The following ACACB variants were observed in gnomAD, a reference collection of about 807,000 sequenced individuals.
The protein encoded by ACACB is acetyl-CoA carboxylase beta, also known as acetyl-CoA carboxylase 2.
Under a neutral mutation model 278.8 loss-of-function variants are expected in ACACB, and 209 were observed. The observed-to-expected ratio is 0.75, with a 90% CI of 0.67 to 0.84. ACACB has a LOEUF of 0.84. Ranked by LOEUF, ACACB falls within the 40% of genes least tolerant of loss-of-function variation. The probability of loss-of-function intolerance (pLI) is 0.00; values close to 1 mark genes in which losing one functional copy is unlikely to be tolerated. For missense variants in ACACB, 2,850 were observed against 3,269.0 expected (o/e 0.87, Z 3.13); for synonymous variants, 1,174 against 1,285.6 (o/e 0.91, Z 1.86).
intron 36 of ACACB, 76 bp downstream of exon 36, chr12:109,241,357 G>A: frequency 2.0e-6 from 3 of 1,477,534 alleles, no homozygotes; most frequent in Non-Finnish European, 2.8e-6. Flanking sequence ...TGTAGATTAA[G>A]ATGGCATTTG....
At chr12:109,185,050 T>C (rs959582097) in intron 11 of ACACB, among the ~76,000 whole-genome samples, 1 of 152,182 alleles carries the variant, frequency 6.6e-6, no homozygotes, top group Non-Finnish European at 1.5e-5. Flanking sequence ...ATTTCTCTGA[T>C]TGTTTCTTCC....
chr12:109,209,156 C>T lies in ACACB; in HGVS notation c.3061-9C>T, dbSNP rs1357004555. The T allele has an allele frequency of 1.9e-6, 3 of 1,586,086 alleles. No homozygotes were observed. Among genetic ancestry groups the T allele is most frequent in the African/African-American group, 1.3e-5 (1 of 74,642 alleles). ...GGGCTGGGGGCTGATGCTGTGGTCC[C>T]CGCTTCAGCTGAAGGAGTGGGTGCA... On this transcript the variant is annotated splice_polypyrimidine_tract_variant and intron_variant, in intron 20 of 52. Transcript: ENST00000338432.
Position 109,144,750 on chromosome 12 carries a change from C to CTTTTTTTTTTTTTTTTT in ACACB, c.653+4695_653+4696insTTTTTTTTTTTTTTTTT, listed in dbSNP as rs770963307. 3.8e-4 allele frequency among the ~76,000 whole-genome samples: 33 copies of CTTTTTTTTTTTTTTTTT among 86,782 alleles called. 2 individuals are homozygous for CTTTTTTTTTTTTTTTTT. Among genetic ancestry groups the CTTTTTTTTTTTTTTTTT allele is most frequent in the East Asian group, 1.1e-3 (3 of 2,810 alleles). The allele number at this position is 86,782 out of a possible 152,430, so 56.9% of individuals were successfully genotyped here. On this transcript the variant is annotated intron_variant, in intron 2 of 52. Transcript: ENST00000338432. ...TCTTTCTTTTTCTTTTTCTTTCTTT[C>CTTTTTTTTTTTTTTTTT]TTTCTTTTTTTTTTTTTTTTTTGAG...
chr12:109,166,679 C>CAAAAAAAAAA lies in ACACB; in HGVS notation c.654-182_654-181insAAAAAAAAAA, dbSNP rs1225818948. ...AAAAAAAAAAAAAAAAAAAAAAAAC[C>CAAAAAAAAAA]GAAGGTGCTTCCTGCCCTTGAGCCT... On this transcript the variant is annotated intron_variant, in intron 2 of 52. Transcript: ENST00000338432. Among the ~76,000 whole-genome samples the CAAAAAAAAAA allele has an allele frequency of 3.0e-3, 63 of 20,842 alleles. 13 individuals are homozygous for CAAAAAAAAAA. The highest frequency in any genetic ancestry group is 7.2e-3 in the Non-Finnish European group (47 of 6,532). 13.7% of individuals were successfully genotyped at this position (20,842 alleles called of 152,430 possible).
chr12:109,171,649 C>G (rs775131372), intron 4 of ACACB, among the ~76,000 whole-genome samples, 156 bp from the exon 5 acceptor site: 2 of 152,170 alleles, frequency 1.3e-5, no homozygotes, highest in Non-Finnish European at 2.9e-5. Flanking sequence ...CACGCCTGGC[C>G]TTCTCTTTAC....
intron 2 of ACACB, among the ~76,000 whole-genome samples, chr12:109,164,278 G>A (rs2043828166): frequency 6.6e-6 from 1 of 152,130 alleles, no homozygotes; most frequent in Admixed American, 6.5e-5. Flanking sequence ...TGTCGCCCAG[G>A]CTGGAGTCCA....
At chr12:109,127,450 T>C (rs2042708465) in intron 1 of ACACB, among the ~76,000 whole-genome samples, 1 of 150,710 alleles carries the variant, frequency 6.6e-6, no homozygotes, top group Admixed American at 6.6e-5. Flanking sequence ...AAACCAAAAA[T>C]TAGCTGGGCA....
rs529683825 is a variant in ACACB, at chr12:109,189,940, G to A, written c.2145-1673G>A. 6.6e-5 allele frequency among the ~76,000 whole-genome samples: 10 copies of A among 152,088 alleles called. No homozygotes were observed. In the South Asian group the frequency reaches 1.5e-3, roughly 22 times the overall value. On this transcript the variant is annotated intron_variant, in intron 13 of 52. Transcript: ENST00000338432. Reference sequence around the variant, plus strand: ...AGCCTGGCCAACATGACGAAACCCCGTGTCTACTAAAAATACTGAAATTAG... The same window carrying A: ...AGCCTGGCCAACATGACGAAACCCCATGTCTACTAAAAATACTGAAATTAG...
At position 109,216,670 on chromosome 12, in the gene ACACB, A is replaced by G; in HGVS notation, c.3403A>G (p.Arg1135Gly). Residue 1135 changes from arginine (R) to glycine (G), a missense_variant, in exon 23 of 53, where the codon AGA becomes GGA. Arg to Gly is a moderately radical substitution (Grantham distance 125). Around this residue, in one of 3 missense-constraint regions of ACACB, gnomAD observed 2,265 missense variants for 2,561.3 expected, o/e 0.88. Coordinates refer to ENST00000338432, the MANE Select transcript of ACACB (RefSeq NM_001093.4). ...GAAAACAGTGGTGTTGGATCTCCTG[A>G]GAAGATACTTGCGTGTTGAGCACCA... is the stretch of plus-strand genomic sequence containing the variant. ...YMKTVVLDLLRRYLRVEHHFQ... is the reference protein window; with the variant it reads ...YMKTVVLDLLGRYLRVEHHFQ... 4 of 1,614,214 alleles carry G rather than the reference A, an allele frequency of 2.5e-6. No individual in the cohort carries two copies. Among genetic ancestry groups the G allele is most frequent in the Non-Finnish European group, 3.4e-6 (4 of 1,180,034 alleles).
intron 13 of ACACB, among the ~76,000 whole-genome samples, chr12:109,189,046 G>A (rs1265920535): frequency 6.6e-6 from 1 of 152,188 alleles, no homozygotes; most frequent in Non-Finnish European, 1.5e-5. Flanking sequence ...TTTCTGCAGA[G>A]CTGAGAAGCC....
At chr12:109,244,975 G>A (rs1358980907) in intron 37 of ACACB, among the ~76,000 whole-genome samples, 1 of 152,022 alleles carries the variant, frequency 6.6e-6, no homozygotes, top group Non-Finnish European at 1.5e-5. Flanking sequence ...TATGGTGGGT[G>A]GATCACCTGA....
chr12:109,235,571 A>G, intron 32 of ACACB, 35 bp from the exon 33 acceptor site: 1 of 1,596,372 alleles, frequency 6.3e-7, no homozygotes, highest in Non-Finnish European at 8.6e-7. Context: ...GTCTTGCTTG[A>G]TTTAATTGTC....
At chr12:109,164,520 C>T (rs1488998593) in intron 2 of ACACB, among the ~76,000 whole-genome samples, 1 of 152,110 alleles carries the variant, frequency 6.6e-6, no homozygotes, top group Admixed American at 6.6e-5. Context: ...GCATGAGCCA[C>T]CATGCCTGGC....
chr12:109,216,921 G>C lies in ACACB; in HGVS notation c.3564+1G>C, dbSNP rs760206698. 3.1e-6 allele frequency: 5 copies of C among 1,612,884 alleles called. No homozygotes were observed. Among genetic ancestry groups the C allele is most frequent in the Non-Finnish European group, 4.2e-6 (5 of 1,179,796 alleles). ...GAACCAGCTGGTGATCATGTTGATC[G>C]TAAGCAGGAAGAGGGCCTGTTACTA... On this transcript the variant is annotated splice_donor_variant, in intron 24 of 52. Transcript: ENST00000338432. LOFTEE classifies it high-confidence loss of function.
At chr12:109,211,076 C>G (rs375693581) in intron 21 of ACACB, among the ~76,000 whole-genome samples, 1 of 152,190 alleles carries the variant, frequency 6.6e-6, no homozygotes, top group East Asian at 1.9e-4. Context: ...GGCATTTGCA[C>G]TGGGAAGAGC....
In ACACB at chr12:109,227,220, G is replaced by T. The variant is rs1011567719; in HGVS notation, c.3883-151G>T. 29 of 669,506 alleles carry T rather than the reference G, an allele frequency of 4.3e-5. No individual in the cohort carries two copies. In the East Asian group the frequency reaches 8.3e-4, roughly 19 times the overall value. The allele number at this position is 669,506 out of a possible 1,614,324, so 41.5% of individuals were successfully genotyped here. A position where few individuals can be genotyped will look rare whatever the true frequency, so the allele number is the denominator to read the frequency against. On this transcript the variant is annotated intron_variant, in intron 27 of 52. Coordinates refer to ENST00000338432, the MANE Select transcript of ACACB (RefSeq NM_001093.4). ...CCTGCCCTGGCCTTCCAAAATGCTGGATTGCAGGCCTGAGCCACTGCACCC... is the reference window on the plus strand; with the variant it reads ...CCTGCCCTGGCCTTCCAAAATGCTGTATTGCAGGCCTGAGCCACTGCACCC...
intron 6 of ACACB, among the ~76,000 whole-genome samples, chr12:109,173,915 A>G (rs6606697): frequency 0.48 from 73,289 of 152,138 alleles, 19,531 homozygotes; most frequent in Middle Eastern, 0.71. Flanking sequence ...CAGGTTTACA[A>G]TCCACATACG....
rs770242481 is a variant in ACACB at position 109,265,386 on chromosome 12, C to T, written c.7114-3C>T. The T allele has an allele frequency of 1.9e-6, 3 of 1,613,680 alleles. No individual in the cohort carries two copies. Among genetic ancestry groups the T allele is most frequent in the Non-Finnish European group, 2.5e-6 (3 of 1,179,926 alleles). Reference sequence around the variant, plus strand: ...TCTGAGGCATCCTCTGCCCCCTCCCCAGGCCTACTTGTGGGACAACAACCA... The same window carrying T: ...TCTGAGGCATCCTCTGCCCCCTCCCTAGGCCTACTTGTGGGACAACAACCA... On this transcript the variant is annotated splice_region_variant and splice_polypyrimidine_tract_variant and intron_variant, in intron 51 of 52. Transcript: ENST00000338432.
intron 5 of ACACB, 100 bp downstream of exon 5, chr12:109,172,014 T>C (rs2044134990): frequency 9.0e-6 from 9 of 1,005,168 alleles, no homozygotes; most frequent in Middle Eastern, 2.8e-4. Flanking sequence ...AGGGTCCAGA[T>C]CCCACAAGGC....
Sources: gnomAD v4.1 joint callset for allele counts (sites outside exome capture counted in the v4.1 genomes callset) on GRCh38, gnomAD v4.1.1 for gene constraint, gnomAD v4.1.1 regional missense constraint, MANE v1.5 for transcripts, NCBI Gene and HGNC (gene_info 2026-07-23, HGNC 2026-07-21) for gene names.